CCNK: variants seen among roughly 807,000 people sequenced by gnomAD.
CCNK encodes cyclin-K.
A neutral mutation model predicts 65.0 loss-of-function variants in CCNK; 9 were observed. That is an observed-to-expected ratio of 0.14 (90% CI 0.08 to 0.24). The LOEUF is 0.24. Among genes scored for constraint, CCNK ranks in the 10% least tolerant of loss-of-function variants. The probability of loss-of-function intolerance (pLI) is 1.00; values close to 1 mark genes in which losing one functional copy is unlikely to be tolerated. For missense variants in CCNK, 474 were observed against 720.0 expected, an observed-to-expected ratio of 0.66 and a Z score of 3.91; for synonymous variants, 279 against 270.8, an observed-to-expected ratio of 1.03 and a Z score of -0.30.
At chr14:99,484,043 T>A (rs1471214699) in intron 1 of CCNK, among the ~76,000 whole-genome samples, 1 of 152,150 alleles carries the variant, frequency 6.6e-6, no homozygotes, top group Non-Finnish European at 1.5e-5. Flanking sequence ...TCAAAAAAAA[T>A]AAAAAATAAA....
chr14:99,502,484 C>G, intron 7 of CCNK, 108 bp downstream of exon 7: 2 of 1,444,254 alleles, frequency 1.4e-6, no homozygotes, highest in Middle Eastern at 2.1e-4. Flanking sequence ...CATATGTGAG[C>G]AATATTTCAG....
At chr14:99,505,969 GA>G in intron 9 of CCNK, 4 of 152,652 alleles carry the variant, frequency 2.6e-5, no homozygotes, top group Non-Finnish European at 5.9e-5. Context: ...ACCAGCTGTG[GA>G]AAAAGGCAGG....
intron 4 of CCNK, chr14:99,500,090 GA>G (rs1177008525): frequency 6.6e-6 from 1 of 152,238 alleles, no homozygotes; most frequent in Non-Finnish European, 1.5e-5. Flanking sequence ...TCAGTGAACA[GA>G]AAAGATAGTG....
At chr14:99,503,346 C>G (rs1482913661) in intron 8 of CCNK, 2 of 601,772 alleles carry the variant, frequency 3.3e-6, no homozygotes, top group African/African-American at 1.9e-5. Flanking sequence ...CCCAAGTGGT[C>G]CTGAAACTTA....
rs766091421 is a variant in CCNK at position 99,501,437 on chromosome 14, A to G, written c.575+24A>G. The G allele has an allele frequency of 3.4e-6, 5 of 1,455,184 alleles. No homozygotes were observed. In the South Asian group the frequency reaches 5.7e-5, roughly 17 times the overall value. The allele number at this position is 1,455,184 out of a possible 1,614,324, so 90.1% of individuals were successfully genotyped here. On this transcript the variant is annotated intron_variant, in intron 6 of 10. Transcript: ENST00000389879. ...AGGTATACATGTTCAAATGTTGATT[A>G]ATTACAGTATTTTAAAATAGGCAGA...
At chr14:99,504,124 A>G in intron 9 of CCNK, 1 of 338,066 alleles carries the variant, frequency 3.0e-6, no homozygotes. Flanking sequence ...TCACATGTCT[A>G]GAACCCAAAG....
chr14:99,495,379 G>A (rs1291269081), intron 3 of CCNK, 119 bp from the exon 4 acceptor site: 4 of 801,330 alleles, frequency 5.0e-6, no homozygotes, highest in Non-Finnish European at 7.4e-6. Flanking sequence ...ATTTGTGAAT[G>A]ATAAAAAGAA....
chr14:99,492,743 A>G lies in CCNK; in HGVS notation c.66A>G (p.Pro22=), dbSNP rs1272470040. The part of the protein sequence containing the change: ...VTSANLDHTK[P]CWYWDKKDLA... ...CAGCAAACCTGGACCACACAAAGCC[A>G]TGTTGGTACTGGGATAAGAAAGACT... The change falls in exon 2 of 11, where the codon CCA becomes CCG. Residue 22 remains proline, a synonymous_variant. Coordinates refer to ENST00000389879, the MANE Select transcript of CCNK (RefSeq NM_001099402.2). The G allele has an allele frequency of 5.6e-6, 9 of 1,612,824 alleles. No individual in the cohort carries two copies. In the South Asian group the frequency reaches 6.6e-5, roughly 12 times the overall value.
At position 99,502,334 on chromosome 14, in the gene CCNK, T is replaced by C; in HGVS notation, c.703T>C (p.Trp235Arg). ...WTSKPMYRRW[W>R]EQFVQDVPVD... ...CTCCAAACCCATGTATAGGAGATGG[T>C]GGGAGCAGTTTGTTCAAGATGTCCC... Residue 235 changes from tryptophan (W) to arginine (R), a missense_variant, in exon 7 of 11, where the codon TGG becomes CGG. Coordinates refer to ENST00000389879, the MANE Select transcript of CCNK (RefSeq NM_001099402.2). 1 of 1,613,760 alleles carries C rather than the reference T, an allele frequency of 6.2e-7. No homozygotes were observed. The highest frequency in any genetic ancestry group is 8.5e-7 in the Non-Finnish European group (1 of 1,179,832).
chr14:99,495,028 C>T (rs1018806731), intron 3 of CCNK: 2 of 152,874 alleles, frequency 1.3e-5, no homozygotes, highest in Non-Finnish European at 2.9e-5. Flanking sequence ...ACATTCAGAC[C>T]ATAGCAGAAA....
chr14:99,496,305 T>G (rs1896699812), intron 4 of CCNK, among the ~76,000 whole-genome samples: 1 of 152,154 alleles, frequency 6.6e-6, no homozygotes, highest in Non-Finnish European at 1.5e-5. Context: ...TTTATCACAG[T>G]TTGCAATTAA....
In CCNK at chr14:99,510,335, G is replaced by A; in HGVS notation, c.1296G>A (p.Met432Ile). 6.6e-7 allele frequency: 1 copy of A among 1,522,968 alleles called. No individual in the cohort carries two copies. The highest frequency in any genetic ancestry group is 9.0e-7 in the Non-Finnish European group (1 of 1,112,010). The allele number at this position is 1,522,968 out of a possible 1,614,324, so 94.3% of individuals were successfully genotyped here. A position where few individuals can be genotyped will look rare whatever the true frequency, so the allele number is the denominator to read the frequency against. Reference protein sequence around the residue: ...PPPPSSYMTGMSTTSSYMSGE... With the variant: ...PPPPSSYMTGISTTSSYMSGE... ...CCCCCTCCAGCTACATGACCGGGAT[G>A]TCCACCACCAGCTCCTACATGTCTG... Residue 432 changes from methionine to isoleucine, a missense_variant, in exon 11 of 11, where the codon ATG becomes ATA. Around this residue, in one of 6 missense-constraint regions of CCNK, gnomAD observed 229 missense variants for 275.5 expected, o/e 0.83. Transcript: ENST00000389879.
chr14:99,507,072 G>A lies in CCNK; in HGVS notation c.1046-4G>A. On this transcript the variant is annotated splice_region_variant and splice_polypyrimidine_tract_variant and intron_variant, in intron 9 of 10. Coordinates refer to ENST00000389879, the MANE Select transcript of CCNK (RefSeq NM_001099402.2). ...TGGTTTTCTAATCTGCTTTTTCTTT[G>A]TAGAACCACCACCACCTAAAATCCC... 6.3e-7 allele frequency: 1 copy of A among 1,594,330 alleles called. No homozygotes were observed. Among genetic ancestry groups the A allele is most frequent in the Middle Eastern group, 1.7e-4 (1 of 6,028 alleles).
chr14:99,481,550 C>A (rs1896320734), intron 1 of CCNK, 71 bp downstream of exon 1: 2 of 398,398 alleles, frequency 5.0e-6, no homozygotes, highest in Non-Finnish European at 4.4e-6. Context: ...TAGGTTATGG[C>A]CAACCGCCGC....
In CCNK at chr14:99,486,949, T is replaced by G. The variant is rs1896501053; in HGVS notation, c.-53+5470T>G. Among the ~76,000 whole-genome samples, 2 of 152,222 alleles carry G rather than the reference T, an allele frequency of 1.3e-5. 1 individual carries two copies. Among genetic ancestry groups the G allele is most frequent in the Admixed American group, 1.3e-4 (2 of 15,284 alleles). The stretch of plus-strand genomic sequence containing the variant: ...TTTCTTATTGTCTCTCCCACTAGAA[T>G]GTAAGCTTCCTGGGGCAAAGACCTT... On this transcript the variant is annotated intron_variant, in intron 1 of 10. Transcript: ENST00000389879.
At chr14:99,484,834 A>C (rs1050068978) in intron 1 of CCNK, among the ~76,000 whole-genome samples, 1 of 152,256 alleles carries the variant, frequency 6.6e-6, no homozygotes, top group African/African-American at 2.4e-5. Context: ...TATTGTTTCC[A>C]TAATTCTAAA....
intron 1 of CCNK, 86 bp downstream of exon 1, chr14:99,481,565 C>G (rs1027650554): frequency 2.5e-6 from 1 of 398,028 alleles, no homozygotes; most frequent in African/African-American, 2.1e-5. Flanking sequence ...CGCCGCTATC[C>G]ACTGGCGGAG....
chr14:99,503,712 A>C, intron 9 of CCNK, 68 bp downstream of exon 9: 7 of 1,358,650 alleles, frequency 5.2e-6, no homozygotes, highest in Non-Finnish European at 7.1e-6. Context: ...TTCTTAGCCA[A>C]CATTGTTTCT....
Position 99,502,234 on chromosome 14 carries a change from G to A in CCNK, c.603G>A (p.Trp201Ter), listed in dbSNP as rs1368710353. Residue 201 changes from tryptophan (W) to a stop codon, truncating the protein, a stop_gained, in exon 7 of 11, where the codon TGG becomes TGA. Coordinates refer to ENST00000389879, the MANE Select transcript of CCNK (RefSeq NM_001099402.2). LOFTEE classifies it high-confidence loss of function. ...DSLCTTLSLQ[W>*]EPEIIAVAVM... ...TCTGCACCACCTTGTCACTGCAGTG[G>A]GAACCAGAGATCATAGCAGTAGCAG... The A allele has an allele frequency of 6.2e-7, 1 of 1,600,426 alleles. No individual in the cohort carries two copies. Among genetic ancestry groups the A allele is most frequent in the Non-Finnish European group, 8.5e-7 (1 of 1,173,106 alleles).
Sources: gnomAD v4.1 joint callset for allele counts (sites outside exome capture counted in the v4.1 genomes callset) on GRCh38, gnomAD v4.1.1 for gene constraint, gnomAD v4.1.1 regional missense constraint, MANE v1.5 for transcripts, NCBI Gene and HGNC (gene_info 2026-07-23, HGNC 2026-07-21) for gene names.